SPAG16: variants seen among roughly 807,000 people sequenced by gnomAD.
SPAG16 encodes the protein sperm-associated antigen 16 protein.
Under a neutral mutation model 80.4 loss-of-function variants are expected in SPAG16, and 86 were observed. The observed-to-expected ratio is 1.07, with a 90% CI of 0.90 to 1.28. SPAG16 has a LOEUF of 1.28. SPAG16 is among the 50% of genes most tolerant of loss of function. The pLI is 0.00. For missense variants in SPAG16, 870 were observed against 765.3 expected, an observed-to-expected ratio of 1.14 and a Z score of -1.61; for synonymous variants, 294 against 265.9, an observed-to-expected ratio of 1.11 and a Z score of -1.03.
At chr2:213,604,980 A>G (rs1417357701) in intron 10 of SPAG16, among the ~76,000 whole-genome samples, 2 of 149,946 alleles carry the variant, frequency 1.3e-5, no homozygotes, top group Admixed American at 1.3e-4. Flanking sequence ...TTTTGTATAA[A>G]TAAACATTGA....
At chr2:213,320,584 G>C (rs1478765055) in intron 5 of SPAG16, among the ~76,000 whole-genome samples, 1 of 151,760 alleles carries the variant, frequency 6.6e-6, no homozygotes, top group Non-Finnish European at 1.5e-5. Flanking sequence ...ATACTTCCCA[G>C]CCTCTGGTAA....
intron 15 of SPAG16, among the ~76,000 whole-genome samples, chr2:214,285,554 A>G (rs1693290719): frequency 6.6e-6 from 1 of 152,160 alleles, no homozygotes; most frequent in Non-Finnish European, 1.5e-5. Flanking sequence ...CACACCTGTA[A>G]TCCTAGCACA....
Position 213,605,778 on chromosome 2 carries a change from C to T in SPAG16, c.1070+115688C>T, listed in dbSNP as rs761704691. 4.9e-4 allele frequency among the ~76,000 whole-genome samples: 75 copies of T among 152,058 alleles called. 1 individual carries two copies. Among genetic ancestry groups the T allele is most frequent in the Non-Finnish European group, 5.9e-5 (4 of 68,004 alleles). On this transcript the variant is annotated intron_variant, in intron 10 of 15. Transcript: ENST00000331683. ...TGCTGGGATTACAGGTGTGAGCCAC[C>T]GCACCCAGCCTGGAATGCATTTCTG...
chr2:213,601,769 T>C (rs1169486816), intron 10 of SPAG16, among the ~76,000 whole-genome samples: 1 of 152,230 alleles, frequency 6.6e-6, no homozygotes, highest in Non-Finnish European at 1.5e-5. Context: ...CAATTGCCTA[T>C]AGCATTCAGT....
At chr2:213,791,682 A>T (rs2070711641) in intron 10 of SPAG16, among the ~76,000 whole-genome samples, 1 of 152,166 alleles carries the variant, frequency 6.6e-6, no homozygotes, top group African/African-American at 2.4e-5. Flanking sequence ...CAAATAAAAA[A>T]GTATTTATAA....
intron 12 of SPAG16, among the ~76,000 whole-genome samples, chr2:213,942,075 T>C (rs2102521): frequency 0.73 from 111,137 of 151,950 alleles, 40,879 homozygotes; most frequent in South Asian, 0.86. Flanking sequence ...CCTCTTCTTT[T>C]CTTCTTCCCC....
intron 10 of SPAG16, among the ~76,000 whole-genome samples, chr2:213,547,923 C>T (rs1413622919): frequency 6.6e-6 from 1 of 152,194 alleles, no homozygotes; most frequent in Non-Finnish European, 1.5e-5. Context: ...TTCATATCTA[C>T]ATTGTAGTAT....
intron 9 of SPAG16, among the ~76,000 whole-genome samples, chr2:213,379,887 C>CA (rs1339386800): frequency 6.6e-6 from 1 of 152,160 alleles, no homozygotes; most frequent in Non-Finnish European, 1.5e-5. Flanking sequence ...TTGGTGATGA[C>CA]AGGGGTGGCT....
chr2:213,329,069 TC>T (rs1255472284), intron 5 of SPAG16, among the ~76,000 whole-genome samples: 3 of 152,124 alleles, frequency 2.0e-5, no homozygotes, highest in Non-Finnish European at 2.9e-5. Flanking sequence ...TAGTGAGGCC[TC>T]CCCAGCCAAG....
chr2:214,076,543 CTGTGTGTGTGTG>C (rs59810311), intron 13 of SPAG16, among the ~76,000 whole-genome samples: 1 of 124,402 alleles, frequency 8.0e-6, no homozygotes, highest in African/African-American at 3.0e-5. Flanking sequence ...GTGTGTGTGT[CTGTGTGTGTGTG>C]TGTGTGTGTG....
intron 8 of SPAG16, among the ~76,000 whole-genome samples, chr2:213,369,823 C>A (rs567007551): frequency 2.0e-5 from 3 of 152,068 alleles, no homozygotes; most frequent in Non-Finnish European, 4.4e-5. Context: ...ACCACCTGCC[C>A]CCAGACATAG....
intron 15 of SPAG16, among the ~76,000 whole-genome samples, chr2:214,347,810 AT>A (rs773944915): frequency 6.6e-6 from 1 of 152,164 alleles, no homozygotes; most frequent in East Asian, 1.9e-4. Flanking sequence ...GAAAAGAGGC[AT>A]TTGAACTCTG....
intron 12 of SPAG16, among the ~76,000 whole-genome samples, chr2:214,008,441 A>G (rs1206155515): frequency 7.0e-6 from 1 of 143,006 alleles, no homozygotes; most frequent in Non-Finnish European, 1.5e-5. Flanking sequence ...TGTAGCATTT[A>G]AAAAAAAAAA....
chr2:213,452,977 C>A (rs17695086), intron 9 of SPAG16, among the ~76,000 whole-genome samples: 2,219 of 152,256 alleles, frequency 0.015, 23 homozygotes, highest in South Asian at 0.038. Flanking sequence ...GAATTAACAG[C>A]TTTTAAGGCT....
chr2:213,915,575 G>C (rs928957574), intron 11 of SPAG16, among the ~76,000 whole-genome samples: 1 of 152,128 alleles, frequency 6.6e-6, no homozygotes, highest in African/African-American at 2.4e-5. Flanking sequence ...TGTGAATAGT[G>C]CTGCAATAAA....
At chr2:214,173,709 TC>T (rs2056966730) in intron 15 of SPAG16, among the ~76,000 whole-genome samples, 1 of 151,894 alleles carries the variant, frequency 6.6e-6, no homozygotes, top group African/African-American at 2.4e-5. Context: ...GAGGGAATCC[TC>T]CCTAACTCAT....
At chr2:214,055,295 A>C (rs1575999477) in intron 13 of SPAG16, among the ~76,000 whole-genome samples, 2 of 152,274 alleles carry the variant, frequency 1.3e-5, no homozygotes, top group Middle Eastern at 3.4e-3. Context: ...CTTTAAAAAC[A>C]TGAATCCTAT....
At chr2:213,978,430 T>C (rs1322565811) in intron 12 of SPAG16, among the ~76,000 whole-genome samples, 8 of 152,134 alleles carry the variant, frequency 5.3e-5, no homozygotes, top group Admixed American at 3.3e-4. Context: ...GTCAAAACTT[T>C]TGCTAACAGT....
intron 10 of SPAG16, among the ~76,000 whole-genome samples, chr2:213,766,096 G>A (rs1206606734): frequency 1.3e-5 from 2 of 152,160 alleles, no homozygotes; most frequent in African/African-American, 2.4e-5. Context: ...TGGGAATTCC[G>A]TATTCAAGGC....
Sources: allele counts gnomAD v4.1 joint callset (sites outside exome capture counted in the v4.1 genomes callset), GRCh38; gene constraint gnomAD v4.1.1; transcripts MANE v1.5; gene names NCBI Gene and HGNC (gene_info 2026-07-23, HGNC 2026-07-21).